The following GABRB2 variants were observed in gnomAD, a reference collection of about 807,000 sequenced individuals.
GABRB2 encodes gamma-aminobutyric acid receptor subunit beta-2.
Under a neutral mutation model 54.7 loss-of-function variants are expected in GABRB2, and 16 were observed. The observed-to-expected ratio is 0.29, with a 90% CI of 0.20 to 0.44. The LOEUF (loss-of-function observed/expected upper bound fraction) is 0.44. Ranked by LOEUF, GABRB2 falls within the 20% of genes least tolerant of loss-of-function variation. The pLI, the probability that GABRB2 is intolerant of heterozygous loss-of-function variation, is 1.00. For synonymous variants in GABRB2, 244 were observed against 233.8 expected, an observed-to-expected ratio of 1.04 and a Z score of -0.40; for missense variants, 355 against 644.0, an observed-to-expected ratio of 0.55 and a Z score of 4.86.
chr5:161,470,620 C>T (rs751992526), intron 3 of GABRB2, among the ~76,000 whole-genome samples: 14 of 151,722 alleles, frequency 9.2e-5, no homozygotes, highest in East Asian at 3.9e-4. Context: ...ACAGACAGCA[C>T]GGAGCTGCTG....
At chr5:161,311,085 A>G (rs1757854442) in intron 9 of GABRB2, among the ~76,000 whole-genome samples, 1 of 152,124 alleles carries the variant, frequency 6.6e-6, no homozygotes, top group African/African-American at 2.4e-5. Flanking sequence ...TTTTAACAAA[A>G]ATGCCCTCAT....
At chr5:161,346,292 A>G (rs906599895) in intron 5 of GABRB2, among the ~76,000 whole-genome samples, 5 of 152,098 alleles carry the variant, frequency 3.3e-5, no homozygotes, top group Admixed American at 1.3e-4. Context: ...CTCTGCCACA[A>G]TTTTCTCCAG....
chr5:161,539,417 C>A (rs1760744374), intron 3 of GABRB2, among the ~76,000 whole-genome samples: 1 of 152,182 alleles, frequency 6.6e-6, no homozygotes, highest in African/African-American at 2.4e-5. Flanking sequence ...CTCACAACTG[C>A]ATGCCATTTA....
chr5:161,428,591 C>T (rs572270262), intron 4 of GABRB2, among the ~76,000 whole-genome samples: 10 of 151,960 alleles, frequency 6.6e-5, no homozygotes, highest in Non-Finnish European at 1.0e-4. Flanking sequence ...ATTATAGTGT[C>T]GTCAATAAAT....
intron 3 of GABRB2, among the ~76,000 whole-genome samples, chr5:161,490,151 T>A (rs1192883641): frequency 6.6e-6 from 1 of 151,806 alleles, no homozygotes; most frequent in Non-Finnish European, 1.5e-5. Flanking sequence ...CTATACTTAC[T>A]GTCTCTGGCT....
intron 5 of GABRB2, among the ~76,000 whole-genome samples, chr5:161,366,586 T>C (rs1754979016): frequency 6.6e-6 from 1 of 152,146 alleles, no homozygotes; most frequent in East Asian, 1.9e-4. Flanking sequence ...AGGTAAGTGC[T>C]CAATTAACTG....
intron 3 of GABRB2, among the ~76,000 whole-genome samples, chr5:161,467,485 T>G (rs1021724916): frequency 6.6e-6 from 1 of 152,070 alleles, no homozygotes; most frequent in Non-Finnish European, 1.5e-5. Flanking sequence ...GTTATTTAAT[T>G]TAAATGTAAT....
chr5:161,483,999 T>A lies in GABRB2; in HGVS notation c.238-24155A>T, dbSNP rs79322442. ...CCCATTGGTATACTAAAGAGGATTC[T>A]ATCTTTACCAATCTAACTGTTGTGG... On this transcript the variant is annotated intron_variant, in intron 3 of 9. Coordinates refer to ENST00000393959, the MANE Select transcript of GABRB2 (RefSeq NM_001371727.1). Among the ~76,000 whole-genome samples the A allele has an allele frequency of 1.2e-4, 18 of 152,024 alleles. No individual in the cohort carries two copies. The East Asian group carries it at 3.5e-3, about 30-fold the overall frequency.
intron 3 of GABRB2, among the ~76,000 whole-genome samples, chr5:161,461,003 A>C (rs1758105908): frequency 6.6e-6 from 1 of 152,172 alleles, no homozygotes; most frequent in Non-Finnish European, 1.5e-5. Flanking sequence ...GACATGTTTG[A>C]AGAATCAGTA....
intron 9 of GABRB2, among the ~76,000 whole-genome samples, chr5:161,318,489 A>G (rs555286374): frequency 6.5e-4 from 99 of 152,154 alleles, no homozygotes; most frequent in African/African-American, 2.3e-3. Context: ...CAGATTTCCA[A>G]TGATATGAAA....
chr5:161,317,255 C>T (rs1758069561), intron 9 of GABRB2, among the ~76,000 whole-genome samples: 1 of 152,080 alleles, frequency 6.6e-6, no homozygotes, highest in African/African-American at 2.4e-5. Context: ...CTGGCTCGAC[C>T]ATTATTAAAT....
intron 5 of GABRB2, among the ~76,000 whole-genome samples, chr5:161,402,926 C>G (rs1756242076): frequency 6.6e-6 from 1 of 152,084 alleles, no homozygotes; most frequent in Non-Finnish European, 1.5e-5. Context: ...ATTTAAGAGG[C>G]CTGTGGTGTG....
Position 161,291,678 on chromosome 5 carries a change from T to C in GABRB2, c.*2403A>G, listed in dbSNP as rs1757241545. 1.3e-5 allele frequency: 2 copies of C among 152,638 alleles called. No homozygotes were observed. The allele number at this position is 152,638 out of a possible 1,614,324, so 9.5% of individuals were successfully genotyped here. ...CTTCTCTACACTTTGATCTGGATTG[T>C]TCTGTTGACTTTCTTGGACATCTAA... is the stretch of plus-strand genomic sequence containing the variant. On this transcript the variant is annotated 3_prime_UTR_variant, in exon 10 of 10. Transcript: ENST00000393959.
In GABRB2 at chr5:161,290,233, C is replaced by A. The variant is rs1398252449; in HGVS notation, c.*3848G>T. 6.6e-6 allele frequency: 1 copy of A among 152,082 alleles called. No individual in the cohort carries two copies. Among genetic ancestry groups the A allele is most frequent in the African/African-American group, 2.4e-5 (1 of 41,240 alleles). 9.4% of individuals were successfully genotyped at this position (152,082 alleles called of 1,614,324 possible). On this transcript the variant is annotated 3_prime_UTR_variant, in exon 10 of 10. Coordinates refer to ENST00000393959, the MANE Select transcript of GABRB2 (RefSeq NM_001371727.1). ...ATACTTAGTATTTTGCCCTAACCAA[C>A]ATGGTGGGGTTTAGTTTTTTTTTTT...
chr5:161,397,107 T>A (rs1368052154), intron 5 of GABRB2, among the ~76,000 whole-genome samples: 1 of 152,230 alleles, frequency 6.6e-6, no homozygotes, highest in Non-Finnish European at 1.5e-5. Flanking sequence ...ATTTTATCAA[T>A]GTATCTTCAC....
chr5:161,539,388 G>C (rs12187676), intron 3 of GABRB2, among the ~76,000 whole-genome samples: 42,064 of 152,082 alleles, frequency 0.28, 6,299 homozygotes, highest in Admixed American at 0.4. Flanking sequence ...GACACCACCA[G>C]TAGCTTCCTC....
chr5:161,372,348 G>T (rs1446664570), intron 5 of GABRB2, among the ~76,000 whole-genome samples: 1 of 152,280 alleles, frequency 6.6e-6, no homozygotes, highest in Non-Finnish European at 1.5e-5. Context: ...GAGGAAGAAT[G>T]TGCTCTTTTA....
intron 2 of GABRB2, among the ~76,000 whole-genome samples, chr5:161,545,866 G>A (rs189492979): frequency 2.1e-4 from 32 of 152,200 alleles, no homozygotes; most frequent in African/African-American, 6.5e-4. Flanking sequence ...ATCCAGACAT[G>A]AGCCACTGTA....
At chr5:161,470,703 G>A (rs540457089) in intron 3 of GABRB2, among the ~76,000 whole-genome samples, 25 of 151,842 alleles carry the variant, frequency 1.6e-4, no homozygotes, top group Non-Finnish European at 3.1e-4. Context: ...TCCTCTGAAC[G>A]GCACTCAATT....
Sources: gnomAD v4.1 joint callset for allele counts (sites outside exome capture counted in the v4.1 genomes callset) on GRCh38, gnomAD v4.1.1 for gene constraint, MANE v1.5 for transcripts, NCBI Gene and HGNC (gene_info 2026-07-23, HGNC 2026-07-21) for gene names.